The following CCBE1 variants were observed in gnomAD, a reference collection of about 807,000 sequenced individuals.
The protein encoded by CCBE1 is collagen and calcium-binding EGF domain-containing protein 1.
Under a neutral mutation model 50.0 loss-of-function variants are expected in CCBE1, and 37 were observed. The observed-to-expected ratio is 0.74, with a 90% CI of 0.57 to 0.97. The LOEUF is 0.97. Ranked by LOEUF, CCBE1 falls within the 50% of genes least tolerant of loss-of-function variation. CCBE1 has a pLI of 0.00. For missense variants in CCBE1, 538 were observed against 523.8 expected (o/e 1.03, Z -0.26); for synonymous variants, 234 against 203.7 (o/e 1.15, Z -1.27).
chr18:59,580,435 C>T (rs2053066825), intron 2 of CCBE1, among the ~76,000 whole-genome samples: 1 of 152,210 alleles, frequency 6.6e-6, no homozygotes, highest in South Asian at 2.1e-4. Context: ...TATGCTCTGA[C>T]CACCTGGAGC....
At chr18:59,546,254 T>A (rs991677468) in intron 2 of CCBE1, among the ~76,000 whole-genome samples, 1 of 152,232 alleles carries the variant, frequency 6.6e-6, no homozygotes, top group Non-Finnish European at 1.5e-5. Context: ...TTATGAGTCA[T>A]CCCCATTTCA....
At chr18:59,467,650 G>A (rs1201151062) in intron 4 of CCBE1, among the ~76,000 whole-genome samples, 1 of 152,198 alleles carries the variant, frequency 6.6e-6, no homozygotes, top group African/African-American at 2.4e-5. Flanking sequence ...CCCACCACGA[G>A]GACAGTGGGA....
At chr18:59,613,638 G>A (rs542730231) in intron 2 of CCBE1, among the ~76,000 whole-genome samples, 204 of 152,026 alleles carry the variant, frequency 1.3e-3, no homozygotes, top group Non-Finnish European at 2.2e-3. Flanking sequence ...AGTGGCTCAC[G>A]CCTGTAATCC....
rs537756280 is a variant in CCBE1, at chr18:59,648,401, A to C, written c.212+48228T>G. The stretch of plus-strand genomic sequence containing the variant: ...AGTTTCTGGAACCCTTTAGCTGATG[A>C]GTTTGTAAACACAGGTATCAGCAGC... On this transcript the variant is annotated intron_variant, in intron 2 of 10. Coordinates refer to ENST00000439986, the MANE Select transcript of CCBE1 (RefSeq NM_133459.4). Among the ~76,000 whole-genome samples, 9 of 152,310 alleles carry C rather than the reference A, an allele frequency of 5.9e-5. No individual in the cohort carries two copies. The South Asian group carries it at 1.9e-3, about 32-fold the overall frequency.
chr18:59,572,766 G>A (rs985598367), intron 2 of CCBE1, among the ~76,000 whole-genome samples: 5 of 152,142 alleles, frequency 3.3e-5, no homozygotes, highest in Non-Finnish European at 5.9e-5. Flanking sequence ...AATAAACTAT[G>A]ACTTCTCAGA....
intron 2 of CCBE1, among the ~76,000 whole-genome samples, chr18:59,491,181 G>A (rs1913079939): frequency 6.6e-6 from 1 of 152,222 alleles, no homozygotes; most frequent in Admixed American, 6.5e-5. Context: ...GCATTAGCAT[G>A]ATACATGATA....
chr18:59,664,331 A>G (rs1445590838), intron 2 of CCBE1, among the ~76,000 whole-genome samples: 1 of 152,158 alleles, frequency 6.6e-6, no homozygotes, highest in Admixed American at 6.5e-5. Context: ...AAAGGCCTCC[A>G]AAGAGAGAAG....
chr18:59,511,357 C>T (rs1328732037), intron 2 of CCBE1, among the ~76,000 whole-genome samples: 1 of 152,208 alleles, frequency 6.6e-6, no homozygotes, highest in Non-Finnish European at 1.5e-5. Context: ...GAGAACTTGA[C>T]ATATTCAGAG....
chr18:59,466,105 T>C (rs1003379164), intron 5 of CCBE1, among the ~76,000 whole-genome samples: 4 of 152,086 alleles, frequency 2.6e-5, no homozygotes, highest in African/African-American at 9.7e-5. Context: ...TATAAAAATA[T>C]ATGTTATATA....
chr18:59,687,281 T>C (rs2054668047), intron 2 of CCBE1, among the ~76,000 whole-genome samples: 1 of 152,236 alleles, frequency 6.6e-6, no homozygotes, highest in African/African-American at 2.4e-5. Context: ...TTTGTCTATC[T>C]ATGCACCTTT....
At chr18:59,660,795 G>A (rs367976435) in intron 2 of CCBE1, among the ~76,000 whole-genome samples, 223 of 152,124 alleles carry the variant, frequency 1.5e-3, no homozygotes, top group African/African-American at 5.0e-3. Flanking sequence ...TGTGATTCAC[G>A]GAAGCAATCA....
At chr18:59,556,173 G>A (rs1299661463) in intron 2 of CCBE1, among the ~76,000 whole-genome samples, 1 of 152,166 alleles carries the variant, frequency 6.6e-6, no homozygotes, top group African/African-American at 2.4e-5. Flanking sequence ...TGACCTACCT[G>A]CTGTGGCATT....
intron 2 of CCBE1, among the ~76,000 whole-genome samples, chr18:59,624,929 C>T (rs886441746): frequency 6.6e-6 from 1 of 152,260 alleles, no homozygotes; most frequent in Admixed American, 6.5e-5. Context: ...TAAGTTGATA[C>T]ACTCACACAT....
At chr18:59,654,576 A>C (rs1286961616) in intron 2 of CCBE1, among the ~76,000 whole-genome samples, 1 of 152,156 alleles carries the variant, frequency 6.6e-6, no homozygotes, top group Non-Finnish European at 1.5e-5. Flanking sequence ...GTGAGCCGAG[A>C]TCGCGCCACT....
intron 2 of CCBE1, among the ~76,000 whole-genome samples, chr18:59,612,128 T>C (rs1476887436): frequency 6.6e-6 from 1 of 152,132 alleles, no homozygotes; most frequent in Non-Finnish European, 1.5e-5. Context: ...TGCACATTTT[T>C]GAACAGGTTA....
intron 2 of CCBE1, among the ~76,000 whole-genome samples, chr18:59,517,993 T>C (rs1914446453): frequency 6.6e-6 from 1 of 152,192 alleles, no homozygotes; most frequent in Non-Finnish European, 1.5e-5. Context: ...TGAACCCAGC[T>C]GGGCAATTCT....
At chr18:59,562,445 G>C (rs1397284893) in intron 2 of CCBE1, among the ~76,000 whole-genome samples, 1 of 152,050 alleles carries the variant, frequency 6.6e-6, no homozygotes, top group Non-Finnish European at 1.5e-5. Flanking sequence ...GAGAGGCAGA[G>C]ACAACAGACC....
Position 59,669,937 on chromosome 18 carries a change from A to G in CCBE1, c.212+26692T>C, listed in dbSNP as rs1446071068. Among the ~76,000 whole-genome samples the G allele has an allele frequency of 5.9e-5, 9 of 152,340 alleles. No homozygotes were observed. In the East Asian group the frequency reaches 9.6e-4, roughly 16 times the overall value. ...ATAGGCACTCAAAAAAATTGCATCC[A>G]TGATGATTACTGATGCTACATTTGT... On this transcript the variant is annotated intron_variant, in intron 2 of 10. Transcript: ENST00000439986.
intron 2 of CCBE1, among the ~76,000 whole-genome samples, chr18:59,492,173 A>G (rs889542115): frequency 6.7e-6 from 1 of 150,324 alleles, no homozygotes; most frequent in African/African-American, 2.4e-5. Context: ...AAAAAAGAAA[A>G]GCATTCTTGG....
Sources: gnomAD v4.1 joint callset for allele counts (sites outside exome capture counted in the v4.1 genomes callset) on GRCh38, gnomAD v4.1.1 for gene constraint, MANE v1.5 for transcripts, NCBI Gene and HGNC (gene_info 2026-07-23, HGNC 2026-07-21) for gene names.